Variants in CACNA1A observed in about 807,000 individuals in gnomAD.
CACNA1A encodes the protein voltage-dependent P/Q-type calcium channel subunit alpha-1A.
In CACNA1A, 57 loss-of-function variants were observed where a neutral mutation model predicts 262.4. The observed-to-expected ratio is 0.22, with a 90% confidence interval of 0.18 to 0.27. The LOEUF is 0.27. CACNA1A is among the 10% of genes least tolerant of loss of function. The pLI is 1.00. For missense variants in CACNA1A, 2,526 were observed against 3,562.8 expected (o/e 0.71, Z 7.41); for synonymous variants, 1,431 against 1,419.3 (o/e 1.01, Z -0.18).
chr19:13,345,427 T>G (rs1315248396), intron 6 of CACNA1A, among the ~76,000 whole-genome samples: 8 of 152,084 alleles, frequency 5.3e-5, no homozygotes, highest in African/African-American at 1.9e-4. Flanking sequence ...GCTTCAAGGG[T>G]GAGGGATGTT....
rs780454671 is a variant in CACNA1A at position 13,481,235 on chromosome 19, C to T, written c.293+24697G>A. ...TGAAGTCATGGGCAGCCACCACTGC[C>T]AGAAGTGGAGAGCTGGCAAAGTTGG... is the stretch of plus-strand genomic sequence containing the variant. On this transcript the variant is annotated intron_variant, in intron 1 of 46. Coordinates refer to ENST00000360228, the MANE Select transcript of CACNA1A (RefSeq NM_001127222.2). 5.3e-4 allele frequency among the ~76,000 whole-genome samples: 81 copies of T among 152,282 alleles called. 1 individual carries two copies. The highest frequency in any genetic ancestry group is 5.9e-4 in the Non-Finnish European group (40 of 68,024).
chr19:13,241,394 G>A lies in CACNA1A; in HGVS notation c.4950+3788C>T, dbSNP rs992743419. ...GGAGGACAGACAGACAGAGGAGAGC[G>A]GAGGGTTGAGGAGAGCGTCAGGCAT... On this transcript the variant is annotated intron_variant, in intron 31 of 46. Transcript: ENST00000360228. The surrounding 1 kb of genome is among the most constrained non-coding windows in gnomAD (Gnocchi z 4.0). 8.4e-6 allele frequency: 6 copies of A among 710,244 alleles called. No homozygotes were observed. The highest frequency in any genetic ancestry group is 2.0e-5 in the Admixed American group (1 of 49,814). 44.0% of individuals were successfully genotyped at this position (710,244 alleles called of 1,614,324 possible).
At chr19:13,497,827 T>C (rs1265739966) in intron 1 of CACNA1A, among the ~76,000 whole-genome samples, 1 of 151,872 alleles carries the variant, frequency 6.6e-6, no homozygotes, top group Non-Finnish European at 1.5e-5. Context: ...CAGTATCTTT[T>C]AACCTTCTTA....
At chr19:13,462,984 C>G (rs1191925742) in intron 1 of CACNA1A, among the ~76,000 whole-genome samples, 1 of 152,066 alleles carries the variant, frequency 6.6e-6, no homozygotes, top group East Asian at 1.9e-4. Flanking sequence ...TGGTCTTGAA[C>G]TCCTGGGCTC....
At chr19:13,346,619 TATATATATATA>T (rs1568556963) in intron 6 of CACNA1A, among the ~76,000 whole-genome samples, 1 of 3,770 alleles carries the variant, frequency 2.7e-4, no homozygotes, top group African/African-American at 1.2e-3. Context: ...TAATTGATTA[TATATATATATA>T]TATATATATA....
At chr19:13,350,304 A>G (rs2058883702) in intron 6 of CACNA1A, among the ~76,000 whole-genome samples, 1 of 152,180 alleles carries the variant, frequency 6.6e-6, no homozygotes, top group South Asian at 2.1e-4. Context: ...TGAGAACTCC[A>G]GTTACCTGCT....
At chr19:13,412,375 T>C (rs918472036) in intron 3 of CACNA1A, among the ~76,000 whole-genome samples, 3 of 152,076 alleles carry the variant, frequency 2.0e-5, no homozygotes, top group Non-Finnish European at 2.9e-5. Flanking sequence ...TTCCTTAGCA[T>C]TGACAAGCAT....
At chr19:13,431,717 C>G (rs2060507429) in intron 3 of CACNA1A, among the ~76,000 whole-genome samples, 1 of 152,160 alleles carries the variant, frequency 6.6e-6, no homozygotes, top group African/African-American at 2.4e-5. Context: ...CAAATTCCAT[C>G]TTTTGCGACA....
At chr19:13,283,608 A>T in intron 21 of CACNA1A, 1 of 539,392 alleles carries the variant, frequency 1.9e-6, no homozygotes, top group Non-Finnish European at 3.3e-6. Flanking sequence ...GAAGACATTC[A>T]CATGCCCTGT....
At chr19:13,269,328 G>C (rs1359981138) in intron 24 of CACNA1A, among the ~76,000 whole-genome samples, 1 of 152,250 alleles carries the variant, frequency 6.6e-6, no homozygotes, top group Non-Finnish European at 1.5e-5. Flanking sequence ...GAGAAAAAGA[G>C]TGACCTGCCC....
At chr19:13,276,372 C>T (rs541923467) in intron 23 of CACNA1A, among the ~76,000 whole-genome samples, 3 of 152,354 alleles carry the variant, frequency 2.0e-5, no homozygotes, top group African/African-American at 7.2e-5. Flanking sequence ...ATCACCTGCT[C>T]ACAGGTCCTC....
chr19:13,480,236 C>T (rs947377833), intron 1 of CACNA1A, among the ~76,000 whole-genome samples: 2 of 152,180 alleles, frequency 1.3e-5, no homozygotes, highest in African/African-American at 4.8e-5. Context: ...CCACCTCCAC[C>T]TCTGCCACCC....
intron 18 of CACNA1A, among the ~76,000 whole-genome samples, chr19:13,299,780 A>G (rs1042223860): frequency 1.1e-4 from 17 of 152,114 alleles, no homozygotes; most frequent in Non-Finnish European, 4.4e-5. Flanking sequence ...CCTTCAGGCC[A>G]TGTAACCTTC....
chr19:13,503,840 G>A (rs963915477), intron 1 of CACNA1A, among the ~76,000 whole-genome samples: 21 of 151,964 alleles, frequency 1.4e-4, no homozygotes, highest in Non-Finnish European at 1.2e-4. Context: ...AGAAAGCCCC[G>A]GGCGAGCTGG....
chr19:13,270,684 C>A (rs956192933), intron 24 of CACNA1A, among the ~76,000 whole-genome samples: 11 of 152,142 alleles, frequency 7.2e-5, no homozygotes, highest in African/African-American at 2.7e-4. Context: ...ACCTGGCCAG[C>A]TGTGCTGGGC....
chr19:13,285,296 C>G, intron 20 of CACNA1A, 90 bp from the exon 21 acceptor site: 1 of 1,464,708 alleles, frequency 6.8e-7, no homozygotes, highest in Non-Finnish European at 9.3e-7. Context: ...AGGCAAGAAG[C>G]GGCTGACATT....
chr19:13,257,667 G>A (rs2056607598), intron 27 of CACNA1A, 116 bp from the exon 28 acceptor site: 2 of 536,322 alleles, frequency 3.7e-6, no homozygotes, highest in African/African-American at 1.9e-5. Context: ...AGGAACAGAG[G>A]GAAATGAAAA....
chr19:13,390,912 G>C (rs1479771172), intron 3 of CACNA1A, among the ~76,000 whole-genome samples: 2 of 151,790 alleles, frequency 1.3e-5, no homozygotes, highest in Admixed American at 6.6e-5. Flanking sequence ...TTTTTGGACG[G>C]AGTCTTGCTT....
intron 1 of CACNA1A, among the ~76,000 whole-genome samples, chr19:13,469,023 C>T (rs560231891): frequency 7.2e-5 from 11 of 151,940 alleles, no homozygotes; most frequent in African/African-American, 2.7e-4. Context: ...AAAAGGTGCC[C>T]CCAAGAAGTC....
Sources: gnomAD v4.1 joint callset for allele counts (sites outside exome capture counted in the v4.1 genomes callset) on GRCh38, gnomAD v4.1.1 for gene constraint, Gnocchi (gnomAD v3.1) non-coding constraint, MANE v1.5 for transcripts, NCBI Gene and HGNC (gene_info 2026-07-23, HGNC 2026-07-21) for gene names.